KCTD1: variants seen among roughly 807,000 people sequenced by gnomAD.
KCTD1 encodes potassium channel tetramerization domain containing 1.
KCTD1 carries 24 observed loss-of-function variants against 66.0 expected under a neutral mutation model. That is an observed-to-expected ratio of 0.36 (90% CI 0.26 to 0.51). KCTD1 has a LOEUF of 0.51. Ranked by LOEUF, KCTD1 falls within the 20% of genes least tolerant of loss-of-function variation. The pLI is 0.95. For missense variants in KCTD1, 943 were observed against 1,205.2 expected, an observed-to-expected ratio of 0.78 and a Z score of 3.22; for synonymous variants, 511 against 517.2, an observed-to-expected ratio of 0.99 and a Z score of 0.16.
chr18:26,457,929 C>T (rs1428613536), intron 4 of KCTD1: 1 of 152,260 alleles, frequency 6.6e-6, no homozygotes, highest in Non-Finnish European at 1.5e-5. Context: ...GATCGTTATT[C>T]ACTGGCCCAA....
At chr18:26,489,257 TTTATACGCGACTTATATA>T (rs1982069831) in intron 2 of KCTD1, among the ~76,000 whole-genome samples, 1 of 152,240 alleles carries the variant, frequency 6.6e-6, no homozygotes, top group Non-Finnish European at 1.5e-5. Context: ...AAATGGTATT[TTTATACGCGACTTATATA>T]ATAATAATAG....
chr18:26,572,300 C>T (rs940169386), intron 1 of KCTD1, among the ~76,000 whole-genome samples: 2 of 152,148 alleles, frequency 1.3e-5, no homozygotes, highest in Non-Finnish European at 2.9e-5. Context: ...CCTCATGATC[C>T]ACCTGCCTTG....
chr18:26,514,056 G>GTA (rs1983498900), intron 1 of KCTD1, among the ~76,000 whole-genome samples: 1 of 152,174 alleles, frequency 6.6e-6, no homozygotes, highest in Non-Finnish European at 1.5e-5. Flanking sequence ...TTTTATTGGA[G>GTA]TATCATTTAC....
chr18:26,620,698 A>T (rs1598970444), intron 1 of KCTD1, among the ~76,000 whole-genome samples: 1 of 152,232 alleles, frequency 6.6e-6, no homozygotes, highest in East Asian at 1.9e-4. Flanking sequence ...GGCCTCCCAA[A>T]GTGCTGGGAT....
At chr18:26,590,171 C>A (rs1333135645) in intron 1 of KCTD1, among the ~76,000 whole-genome samples, 1 of 152,050 alleles carries the variant, frequency 6.6e-6, no homozygotes, top group Non-Finnish European at 1.5e-5. Flanking sequence ...GCAACCTCTG[C>A]CTCCTGGGTT....
intron 1 of KCTD1, among the ~76,000 whole-genome samples, chr18:26,607,997 C>G (rs1254874327): frequency 6.6e-6 from 1 of 152,158 alleles, no homozygotes; most frequent in East Asian, 1.9e-4. Flanking sequence ...TTTCAAACTC[C>G]TGACCTCAAG....
At chr18:26,465,925 C>A (rs996347560) in intron 3 of KCTD1, among the ~76,000 whole-genome samples, 26 of 152,184 alleles carry the variant, frequency 1.7e-4, no homozygotes, top group African/African-American at 6.0e-4. Context: ...GTCACCAGAC[C>A]ACGGATACAG....
At chr18:26,622,759 G>C (rs553633832) in intron 1 of KCTD1, among the ~76,000 whole-genome samples, 1 of 152,072 alleles carries the variant, frequency 6.6e-6, no homozygotes, top group Admixed American at 6.5e-5. Flanking sequence ...GGGTGGAGAG[G>C]GTAGAGAGGG....
Position 26,486,685 on chromosome 18 carries a change from T to A in KCTD1, c.1989-10026A>T, listed in dbSNP as rs185844024. On this transcript the variant is annotated intron_variant, in intron 2 of 4. Coordinates refer to ENST00000580059, the MANE Select transcript of KCTD1 (RefSeq NM_001142730.3). ...GACTGCTGCTCTCCAGGTGGCCCCG[T>A]CTCTCCCTATTTTTTGATTATTTCC... is the stretch of plus-strand genomic sequence containing the variant. 4.1e-3 allele frequency among the ~76,000 whole-genome samples: 621 copies of A among 152,272 alleles called. 1 individual carries two copies. The highest frequency in any genetic ancestry group is 0.014 in the African/African-American group (579 of 41,556).
intron 1 of KCTD1, among the ~76,000 whole-genome samples, chr18:26,652,638 A>G (rs1393554016): frequency 6.6e-6 from 1 of 152,240 alleles, no homozygotes; most frequent in Non-Finnish European, 1.5e-5. Context: ...GGTACACTTC[A>G]TAAAGGAAAA....
intron 1 of KCTD1, among the ~76,000 whole-genome samples, chr18:26,638,074 C>A (rs1336539528): frequency 6.6e-6 from 1 of 152,200 alleles, no homozygotes; most frequent in Non-Finnish European, 1.5e-5. Context: ...GCAAATTAAT[C>A]ATCTACCAGT....
At chr18:26,549,145 G>C, upstream of KCTD1, 1 of 985,056 alleles carries the variant, frequency 1.0e-6, no homozygotes, top group Non-Finnish European at 1.2e-6. Flanking sequence ...GAGGAGGCAC[G>C]GCGAGGCCCC....
chr18:26,474,270 T>A (rs1035645331), intron 3 of KCTD1, among the ~76,000 whole-genome samples: 4 of 152,216 alleles, frequency 2.6e-5, no homozygotes, highest in Non-Finnish European at 5.9e-5. Context: ...TGAACTTTCT[T>A]TTTTAGAAAG....
chr18:26,614,690 TA>T (rs1987211926), intron 1 of KCTD1, among the ~76,000 whole-genome samples: 1 of 152,168 alleles, frequency 6.6e-6, no homozygotes, highest in South Asian at 2.1e-4. Flanking sequence ...GAATCTATCT[TA>T]AAGGAATTAA....
intron 1 of KCTD1, among the ~76,000 whole-genome samples, chr18:26,536,895 C>T (rs554877950): frequency 3.3e-5 from 5 of 151,648 alleles, no homozygotes; most frequent in Middle Eastern, 6.8e-3. Context: ...ACATGGGATT[C>T]TATGACTCCA....
chr18:26,490,386 G>A (rs1982134630), intron 2 of KCTD1, among the ~76,000 whole-genome samples: 1 of 152,206 alleles, frequency 6.6e-6, no homozygotes, highest in South Asian at 2.1e-4. Flanking sequence ...ATCAATTGGA[G>A]GAAAGCATTC....
chr18:26,608,956 G>A (rs944362872), intron 1 of KCTD1, among the ~76,000 whole-genome samples: 56 of 152,226 alleles, frequency 3.7e-4, no homozygotes, highest in Non-Finnish European at 1.0e-4. Context: ...ATAGTTCATC[G>A]CATTCTGGTG....
chr18:26,496,273 TAACA>T, intron 2 of KCTD1, among the ~76,000 whole-genome samples: 3 of 152,226 alleles, frequency 2.0e-5, no homozygotes, highest in Non-Finnish European at 4.4e-5. Flanking sequence ...CAAATCAAGC[TAACA>T]AACTATTAAA....
At chr18:26,564,523 A>G (rs549862902) in intron 1 of KCTD1, among the ~76,000 whole-genome samples, 147 of 152,266 alleles carry the variant, frequency 9.7e-4, no homozygotes, top group African/African-American at 2.2e-3. Flanking sequence ...TCTTTGTCCT[A>G]TGGTAATACT....
Sources: gnomAD v4.1 joint callset for allele counts (sites outside exome capture counted in the v4.1 genomes callset) on GRCh38, gnomAD v4.1.1 for gene constraint, MANE v1.5 for transcripts, NCBI Gene and HGNC (gene_info 2026-07-23, HGNC 2026-07-21) for gene names.